Variants in GMDS observed in about 807,000 individuals in gnomAD.
GMDS encodes the protein GDP-mannose 4,6-dehydratase.
A neutral mutation model predicts 49.9 loss-of-function variants in GMDS; 20 were observed. The ratio of observed to expected loss-of-function variants is 0.40; its 90% confidence interval spans 0.28 to 0.58. The LOEUF (loss-of-function observed/expected upper bound fraction) is 0.58, where lower values mean the gene tolerates loss of function less well. Ranked by LOEUF, GMDS falls within the 20% of genes least tolerant of loss-of-function variation. GMDS has a pLI of 0.42. For missense variants in GMDS, 362 were observed against 481.4 expected (o/e 0.75, Z 2.32); for synonymous variants, 177 against 178.6 (o/e 0.99, Z 0.07).
At chr6:1,642,515 A>T (rs1208674682) in intron 9 of GMDS, among the ~76,000 whole-genome samples, 1 of 152,168 alleles carries the variant, frequency 6.6e-6, no homozygotes, top group African/African-American at 2.4e-5. Flanking sequence ...ACTGTTGCTC[A>T]GATTTGTCTG....
chr6:1,718,529 C>T (rs1185575110), intron 9 of GMDS, among the ~76,000 whole-genome samples: 2 of 152,136 alleles, frequency 1.3e-5, no homozygotes, highest in East Asian at 1.9e-4. Context: ...CTGTTTCTCT[C>T]GCCTGGGCTG....
rs112327872 is a variant in GMDS, at chr6:1,919,848, G to A, written c.771+10255C>T. Among the ~76,000 whole-genome samples the A allele has an allele frequency of 5.9e-5, 9 of 152,260 alleles. No individual in the cohort carries two copies. The East Asian group carries it at 1.2e-3, about 20-fold the overall frequency. On this transcript the variant is annotated intron_variant, in intron 7 of 10. Transcript: ENST00000380815. ...CCATTCCGTGTTGCCAGGTCTTACC[G>A]TTGATGCCCTGGGCCATCAATCAGA...
intron 1 of GMDS, among the ~76,000 whole-genome samples, chr6:2,205,799 G>C (rs948496830): frequency 2.0e-5 from 3 of 152,092 alleles, no homozygotes; most frequent in African/African-American, 4.8e-5. Flanking sequence ...GGGTGTTGTA[G>C]GCTTTTGTGT....
intron 9 of GMDS, among the ~76,000 whole-genome samples, chr6:1,700,419 G>C (rs1340924445): frequency 6.6e-6 from 1 of 152,146 alleles, no homozygotes. Context: ...CAGTACCACT[G>C]AAAGCAGGAG....
chr6:2,211,457 C>T (rs1261911861), intron 1 of GMDS, among the ~76,000 whole-genome samples: 1 of 152,148 alleles, frequency 6.6e-6, no homozygotes, highest in Non-Finnish European at 1.5e-5. Context: ...CTTTCTCCTA[C>T]AATTCTCTAA....
At chr6:1,772,247 G>T (rs1435557714) in intron 7 of GMDS, among the ~76,000 whole-genome samples, 1 of 152,110 alleles carries the variant, frequency 6.6e-6, no homozygotes. Flanking sequence ...AACCCCTGAG[G>T]GTAGGACAAG....
chr6:1,962,719 T>A (rs1764024234), intron 4 of GMDS, among the ~76,000 whole-genome samples: 2 of 152,126 alleles, frequency 1.3e-5, no homozygotes, highest in Non-Finnish European at 2.9e-5. Flanking sequence ...TTAGCCATTT[T>A]TAAATTGGGT....
chr6:1,639,859 T>TAG (rs1763272945), intron 9 of GMDS, among the ~76,000 whole-genome samples: 1 of 152,150 alleles, frequency 6.6e-6, no homozygotes, highest in South Asian at 2.1e-4. Context: ...GCCTGGGTGA[T>TAG]AGAGCCAGAC....
intron 1 of GMDS, among the ~76,000 whole-genome samples, chr6:2,210,953 A>G (rs557408049): frequency 2.0e-5 from 3 of 152,192 alleles, no homozygotes; most frequent in African/African-American, 7.2e-5. Flanking sequence ...TGATGGTTTA[A>G]AAGTGTGTGG....
chr6:2,056,709 C>A (rs1770798836), intron 4 of GMDS, among the ~76,000 whole-genome samples: 1 of 152,210 alleles, frequency 6.6e-6, no homozygotes, highest in Admixed American at 6.5e-5. Context: ...CCAAAAGTCA[C>A]TCTGCCACAT....
At chr6:1,811,640 A>G (rs898759841) in intron 7 of GMDS, among the ~76,000 whole-genome samples, 1 of 151,734 alleles carries the variant, frequency 6.6e-6, no homozygotes, top group South Asian at 2.1e-4. Flanking sequence ...TCCTGTTACA[A>G]CAAGCATTTG....
intron 1 of GMDS, among the ~76,000 whole-genome samples, chr6:2,178,808 T>C (rs966342443): frequency 7.9e-5 from 12 of 152,218 alleles, no homozygotes; most frequent in Non-Finnish European, 1.3e-4. Context: ...TCAATGTCTT[T>C]GAACATCCAC....
intron 4 of GMDS, among the ~76,000 whole-genome samples, chr6:2,015,882 T>C (rs931596500): frequency 2.0e-5 from 3 of 152,080 alleles, no homozygotes; most frequent in Non-Finnish European, 2.9e-5. Context: ...ATTTTAAGAA[T>C]AGAAGATTCA....
chr6:1,822,786 G>A (rs1165559430), intron 7 of GMDS, among the ~76,000 whole-genome samples: 2 of 152,190 alleles, frequency 1.3e-5, no homozygotes, highest in African/African-American at 2.4e-5. Flanking sequence ...AAAAACTTCA[G>A]TGAAATGCCT....
chr6:1,633,874 C>T (rs1029967860), intron 9 of GMDS, among the ~76,000 whole-genome samples: 1 of 152,182 alleles, frequency 6.6e-6, no homozygotes, highest in Admixed American at 6.5e-5. Context: ...TGTCTGGTCA[C>T]AGTGACTGCC....
At chr6:1,906,997 G>A (rs1760810012) in intron 7 of GMDS, among the ~76,000 whole-genome samples, 2 of 152,192 alleles carry the variant, frequency 1.3e-5, no homozygotes, top group Non-Finnish European at 2.9e-5. Flanking sequence ...CCCAGACCAT[G>A]GAGGGTGAGA....
chr6:2,128,074 T>C (rs1775550037), intron 1 of GMDS, among the ~76,000 whole-genome samples: 1 of 152,226 alleles, frequency 6.6e-6, no homozygotes, highest in Admixed American at 6.5e-5. Context: ...TTAAGTTTAA[T>C]TTTACACGTG....
At chr6:1,751,791 T>G (rs1444920293) in intron 7 of GMDS, among the ~76,000 whole-genome samples, 2 of 152,082 alleles carry the variant, frequency 1.3e-5, no homozygotes, top group Non-Finnish European at 2.9e-5. Context: ...CGTGCCCAGC[T>G]GGGCCTGACT....
At chr6:1,625,375 A>G (rs1398251389) in intron 9 of GMDS, 1 of 150,728 alleles carries the variant, frequency 6.6e-6, no homozygotes, top group African/African-American at 2.4e-5. Context: ...GCCGATCTCG[A>G]CCCACTTGTA....
Sources: allele counts gnomAD v4.1 joint callset (sites outside exome capture counted in the v4.1 genomes callset), GRCh38; gene constraint gnomAD v4.1.1; transcripts MANE v1.5; gene names NCBI Gene and HGNC (gene_info 2026-07-23, HGNC 2026-07-21).